The following FBXO15 variants were observed in gnomAD, a reference collection of about 807,000 sequenced individuals.
FBXO15 encodes the protein F-box only protein 15.
In FBXO15, 30 loss-of-function variants were observed where a neutral mutation model predicts 49.5. The ratio of observed to expected loss-of-function variants is 0.61; its 90% CI spans 0.45 to 0.82. The LOEUF is 0.82. FBXO15 is among the 40% of genes least tolerant of loss of function. The pLI is 0.00. For synonymous variants in FBXO15, 250 were observed against 232.7 expected, an observed-to-expected ratio of 1.07 and a Z score of -0.68; for missense variants, 591 against 631.5, an observed-to-expected ratio of 0.94 and a Z score of 0.69.
intron 8 of FBXO15, among the ~76,000 whole-genome samples, chr18:74,106,646 T>C (rs975359880): frequency 6.6e-6 from 1 of 152,184 alleles, no homozygotes; most frequent in African/African-American, 2.4e-5. Flanking sequence ...AAGATTCCCC[T>C]TAAACAGCCT....
chr18:74,119,763 T>A (rs1159682426), intron 8 of FBXO15, among the ~76,000 whole-genome samples: 1 of 151,600 alleles, frequency 6.6e-6, no homozygotes, highest in Admixed American at 6.6e-5. Context: ...CAGAAAAGGA[T>A]AAGGCCAGAG....
intron 3 of FBXO15, 22 bp from the exon 4 acceptor site, chr18:74,130,680 T>C (rs1471782299): frequency 1.2e-6 from 2 of 1,603,584 alleles, no homozygotes; most frequent in Non-Finnish European, 1.7e-6. Flanking sequence ...AGAGGAAATA[T>C]GTTAACTAAG....
At chr18:74,091,958 C>T (rs962038540) in intron 8 of FBXO15, among the ~76,000 whole-genome samples, 2 of 152,130 alleles carry the variant, frequency 1.3e-5, no homozygotes, top group Non-Finnish European at 2.9e-5. Flanking sequence ...TTTCACAGAC[C>T]TTATCATAAA....
chr18:74,125,859 G>C lies in FBXO15; in HGVS notation c.912+116C>G, dbSNP rs185300931. ...ATGAAGTTGGTGAGATGGTAAAATGGATTGCAGTTAGTGAAAAGCTTAAAG... is the reference window on the plus strand; with the variant it reads ...ATGAAGTTGGTGAGATGGTAAAATGCATTGCAGTTAGTGAAAAGCTTAAAG... On this transcript the variant is annotated intron_variant, in intron 6 of 9. Transcript: ENST00000419743. 22 of 1,375,668 alleles carry C rather than the reference G, an allele frequency of 1.6e-5. 1 individual carries two copies. In the African/African-American group the frequency reaches 2.4e-4, roughly 15 times the overall value. The allele number at this position is 1,375,668 out of a possible 1,614,324, so 85.2% of individuals were successfully genotyped here.
intron 8 of FBXO15, among the ~76,000 whole-genome samples, chr18:74,113,186 A>G (rs1454431301): frequency 6.6e-6 from 1 of 152,198 alleles, no homozygotes; most frequent in East Asian, 1.9e-4. Flanking sequence ...TAACCGAAAG[A>G]CGCTGGTCTG....
At chr18:74,124,084 C>T (rs911431308) in intron 7 of FBXO15, among the ~76,000 whole-genome samples, 4 of 152,078 alleles carry the variant, frequency 2.6e-5, no homozygotes, top group East Asian at 3.9e-4. Context: ...CCTAAAGACG[C>T]GCAAATTCAT....
At chr18:74,083,868 T>C (rs1025739312) in intron 8 of FBXO15, among the ~76,000 whole-genome samples, 1 of 152,238 alleles carries the variant, frequency 6.6e-6, no homozygotes, top group Non-Finnish European at 1.5e-5. Flanking sequence ...TGAGTACTTA[T>C]TGTATACCAA....
At chr18:74,134,287 A>G (rs1978577599) in intron 3 of FBXO15, among the ~76,000 whole-genome samples, 1 of 152,122 alleles carries the variant, frequency 6.6e-6, no homozygotes, top group African/African-American at 2.4e-5. Flanking sequence ...TTCCTCACTT[A>G]AGTGGCATAC....
intron 8 of FBXO15, among the ~76,000 whole-genome samples, chr18:74,119,272 A>T (rs1230397544): frequency 6.6e-6 from 1 of 152,168 alleles, no homozygotes; most frequent in Non-Finnish European, 1.5e-5. Context: ...AAGAAACAGA[A>T]AGAGCTTTAA....
At chr18:74,144,612 T>C (rs745699171) in intron 1 of FBXO15, among the ~76,000 whole-genome samples, 2 of 152,108 alleles carry the variant, frequency 1.3e-5, no homozygotes, top group African/African-American at 4.8e-5. Context: ...AGTCTCCCAA[T>C]TGATCTTAAA....
intron 1 of FBXO15, among the ~76,000 whole-genome samples, chr18:74,141,047 A>G (rs530765648): frequency 6.6e-6 from 1 of 152,352 alleles, no homozygotes; most frequent in South Asian, 2.1e-4. Context: ...TCAATGCAAT[A>G]TATTTTCACT....
rs1048108254 is a variant in FBXO15, at chr18:74,073,386, T to C, written c.*75A>G. On this transcript the variant is annotated 3_prime_UTR_variant, in exon 10 of 10. Coordinates refer to ENST00000419743, the MANE Select transcript of FBXO15 (RefSeq NM_001142958.2). Reference sequence around the variant, plus strand: ...ACAGCACTCTGCAGATTTGCTTTATTTTAATTTTCAACACCAAGAACAAAG... The same window carrying C: ...ACAGCACTCTGCAGATTTGCTTTATCTTAATTTTCAACACCAAGAACAAAG... The C allele has an allele frequency of 1.2e-5, 18 of 1,505,668 alleles. No individual in the cohort carries two copies. The Middle Eastern group carries it at 5.3e-4, about 44-fold the overall frequency. The allele number at this position is 1,505,668 out of a possible 1,614,324, so 93.3% of individuals were successfully genotyped here. A position where few individuals can be genotyped will look rare whatever the true frequency, so the allele number is the denominator to read the frequency against.
chr18:74,123,485 G>A lies in FBXO15; in HGVS notation c.1021C>T (p.Pro341Ser). Reference protein sequence around the residue: ...TIPYELPPHSPFLDDSPEYGL... With the variant: ...TIPYELPPHSSFLDDSPEYGL... ...TACTCGGGGCTATCATCCAAAAAGG[G>A]GCTATGTGGAGGCAGTTCATAGGGG... is the stretch of plus-strand genomic sequence containing the variant. Residue 341 changes from proline (P) to serine (S), a missense_variant, in exon 8 of 10, where the codon CCC becomes TCC. By Grantham distance (74) the Pro-to-Ser change is moderately conservative. Transcript: ENST00000419743. 4 of 1,612,840 alleles carry A rather than the reference G, an allele frequency of 2.5e-6. No homozygotes were observed. The highest frequency in any genetic ancestry group is 2.5e-6 in the Non-Finnish European group (3 of 1,179,604).
chr18:74,121,416 A>T (rs1914464223), intron 8 of FBXO15, among the ~76,000 whole-genome samples: 1 of 152,254 alleles, frequency 6.6e-6, no homozygotes, highest in South Asian at 2.1e-4. Flanking sequence ...CAAAACTAGC[A>T]TGAAGAAAAT....
At chr18:74,143,334 A>G (rs1229046642) in intron 1 of FBXO15, among the ~76,000 whole-genome samples, 1 of 152,206 alleles carries the variant, frequency 6.6e-6, no homozygotes, top group Non-Finnish European at 1.5e-5. Flanking sequence ...AATTCATCTG[A>G]TGGATCAATT....
chr18:74,110,152 T>C (rs1331028454), intron 8 of FBXO15, among the ~76,000 whole-genome samples: 25 of 144,688 alleles, frequency 1.7e-4, no homozygotes, highest in Admixed American at 1.1e-3. Flanking sequence ...CTAATATATA[T>C]ACATATGTGT....
intron 8 of FBXO15, among the ~76,000 whole-genome samples, chr18:74,093,452 C>A (rs1446173984): frequency 6.6e-6 from 1 of 152,170 alleles, no homozygotes; most frequent in Non-Finnish European, 1.5e-5. Context: ...GCTTCCAAGG[C>A]AGCACTGCAA....
chr18:74,123,999 A>G (rs1420849086), intron 7 of FBXO15, among the ~76,000 whole-genome samples: 1 of 152,172 alleles, frequency 6.6e-6, no homozygotes, highest in Non-Finnish European at 1.5e-5. Context: ...ATTAAAAAAA[A>G]AAAAAATGAG....
chr18:74,100,770 C>CTT (rs1365474127), intron 8 of FBXO15, among the ~76,000 whole-genome samples: 3 of 152,094 alleles, frequency 2.0e-5, no homozygotes, highest in African/African-American at 7.2e-5. Context: ...TTCAAGGCTA[C>CTT]TATGAACACC....
Sources: allele counts gnomAD v4.1 joint callset (sites outside exome capture counted in the v4.1 genomes callset), GRCh38; gene constraint gnomAD v4.1.1; transcripts MANE v1.5; gene names NCBI Gene and HGNC (gene_info 2026-07-23, HGNC 2026-07-21).